Variants in SGSM2 observed in about 807,000 individuals in gnomAD.
SGSM2 encodes the protein RUN and TBC1 domain containing 1.
Under a neutral mutation model 126.6 loss-of-function variants are expected in SGSM2, and 89 were observed. The observed-to-expected ratio is 0.70, with a 90% confidence interval of 0.59 to 0.84. The LOEUF (loss-of-function observed/expected upper bound fraction) is 0.84, where lower values mean the gene tolerates loss of function less well. SGSM2 is among the 40% of genes least tolerant of loss of function. The probability of loss-of-function intolerance (pLI) is 0.00; values close to 1 mark genes in which losing one functional copy is unlikely to be tolerated. For missense variants in SGSM2, 1,404 were observed against 1,416.6 expected (o/e 0.99, Z 0.14); for synonymous variants, 614 against 574.3 (o/e 1.07, Z -0.99).
chr17:2,373,296 G>T, intron 16 of SGSM2, 35 bp from the exon 17 acceptor site: 1 of 1,594,364 alleles, frequency 6.3e-7, no homozygotes. Flanking sequence ...CCTGGTGCAC[G>T]CTTCCCCCAT....
intron 21 of SGSM2, chr17:2,377,498 A>AAAAAAAAGAAAAAAAAAAAAAAC: frequency 5.3e-6 from 1 of 187,744 alleles, no homozygotes; most frequent in South Asian, 1.1e-4. Flanking sequence ...AAAAAAAAAA[A>AAAAAAAAGAAAAAAAAAAAAAAC]AACCATGGTT....
Position 2,362,647 on chromosome 17 carries a change from C to T in SGSM2, c.459-191C>T, listed in dbSNP as rs2065370605. 6.6e-6 allele frequency among the ~76,000 whole-genome samples: 1 copy of T among 152,246 alleles called. No individual in the cohort carries two copies. The highest frequency in any genetic ancestry group is 1.5e-5 in the Non-Finnish European group (1 of 68,048). On this transcript the variant is annotated intron_variant, in intron 4 of 23. Coordinates refer to ENST00000268989, the MANE Select transcript of SGSM2 (RefSeq NM_014853.3). This position sits in a 1 kb window ranked among gnomAD's most constrained non-coding sequence, Gnocchi z 4.9. ...ACAGCCTGTAGGCAACCCTCCATCT[C>T]CCCGTCCCCTTCGGTGCCCTCAAGG...
At chr17:2,347,652 T>G (rs2064661417) in intron 2 of SGSM2, among the ~76,000 whole-genome samples, 2 of 151,772 alleles carry the variant, frequency 1.3e-5, no homozygotes, top group South Asian at 4.2e-4. Context: ...TTCTTTTTTT[T>G]TTTTTCCAGA....
In SGSM2 at chr17:2,380,648, T is replaced by G; in HGVS notation, c.*1128T>G. On this transcript the variant is annotated 3_prime_UTR_variant, in exon 24 of 24. Transcript: ENST00000268989. Reference sequence around the variant, plus strand: ...TGCCCCCAGGCCTAGGCATGCTGCTTGCTCGGCCATCCCCACTTCCTCCTC... The same window carrying G: ...TGCCCCCAGGCCTAGGCATGCTGCTGGCTCGGCCATCCCCACTTCCTCCTC... The G allele has an allele frequency of 2.7e-6, 1 of 374,234 alleles. No homozygotes were observed. The highest frequency in any genetic ancestry group is 2.7e-5 in the South Asian group (1 of 36,718). The allele number at this position is 374,234 out of a possible 1,614,324, so 23.2% of individuals were successfully genotyped here.
rs769201393 is a variant in SGSM2 at position 2,379,142 on chromosome 17, C to T, written c.3006C>T (p.Ala1002=). 1.7e-5 allele frequency: 28 copies of T among 1,614,076 alleles called. No individual in the cohort carries two copies. The Admixed American group carries it at 2.0e-4, about 12-fold the overall frequency. ...VLFIALALVE[A]YREIIRDNNM... ...TCATCGCCCTCGCCCTGGTGGAGGCCTACCGAGAGATCATCCGTGACAACA... is the reference window on the plus strand; with the variant it reads ...TCATCGCCCTCGCCCTGGTGGAGGCTTACCGAGAGATCATCCGTGACAACA... The change falls in exon 23 of 24, where the codon GCC becomes GCT. Residue 1002 remains alanine, a synonymous_variant. Coordinates refer to ENST00000268989, the MANE Select transcript of SGSM2 (RefSeq NM_014853.3).
intron 1 of SGSM2, among the ~76,000 whole-genome samples, chr17:2,342,368 G>A (rs1050641403): frequency 6.6e-6 from 1 of 152,012 alleles, no homozygotes; most frequent in African/African-American, 2.4e-5. Context: ...AGGTTGCAGT[G>A]AGCTGAGAAC....
intron 2 of SGSM2, among the ~76,000 whole-genome samples, chr17:2,354,151 C>T (rs996407080): frequency 5.9e-5 from 9 of 152,160 alleles, no homozygotes; most frequent in Non-Finnish European, 1.3e-4. Context: ...AAGTGATCTT[C>T]CCACCTTGGC....
chr17:2,350,511 G>A (rs747299275), intron 2 of SGSM2, among the ~76,000 whole-genome samples: 16 of 152,008 alleles, frequency 1.1e-4, no homozygotes, highest in Non-Finnish European at 1.8e-4. Context: ...TGGGGAGGCT[G>A]AGGCAGGAGA....
chr17:2,353,920 G>GT (rs571283803), intron 2 of SGSM2, among the ~76,000 whole-genome samples: 2 of 152,076 alleles, frequency 1.3e-5, no homozygotes, highest in Non-Finnish European at 2.9e-5. Context: ...TTGTTTGGTT[G>GT]TTTTTTGAGA....
chr17:2,373,191 G>C, intron 16 of SGSM2, 110 bp downstream of exon 16: 1 of 1,551,746 alleles, frequency 6.4e-7, no homozygotes, highest in Non-Finnish European at 8.7e-7. Context: ...AAGAAGCATG[G>C]CAGGGCAGCT....
intron 2 of SGSM2, among the ~76,000 whole-genome samples, chr17:2,359,016 T>A (rs1313452141): frequency 6.6e-6 from 1 of 151,988 alleles, no homozygotes; most frequent in Non-Finnish European, 1.5e-5. Context: ...TAGCTGGGAC[T>A]TCAGGTGCCC....
chr17:2,367,034 C>T lies in SGSM2; in HGVS notation c.1289-237C>T, dbSNP rs555827601. On this transcript the variant is annotated intron_variant, in intron 11 of 23. Coordinates refer to ENST00000268989, the MANE Select transcript of SGSM2 (RefSeq NM_014853.3). This position sits in a 1 kb window ranked among gnomAD's most constrained non-coding sequence, Gnocchi z 4.0. ...CCTCTGTTCTCTCTCTTCTGTTCTT[C>T]CTAGAGAGGCTGCCTCCGAAGAGTG... The T allele has an allele frequency of 2.4e-4, 127 of 520,238 alleles. No homozygotes were observed. Among genetic ancestry groups the T allele is most frequent in the African/African-American group, 2.4e-3 (124 of 52,680 alleles). 32.2% of individuals were successfully genotyped at this position (520,238 alleles called of 1,614,324 possible).
Position 2,343,602 on chromosome 17 carries a change from C to G in SGSM2, c.115C>G (p.His39Asp). 1.9e-6 allele frequency: 3 copies of G among 1,614,090 alleles called. No homozygotes were observed. Among genetic ancestry groups the G allele is most frequent in the Non-Finnish European group, 2.5e-6 (3 of 1,179,992 alleles). Residue 39 changes from histidine (H) to aspartate (D), a missense_variant, in exon 2 of 24, where the codon CAC becomes GAC. His to Asp is a moderately conservative substitution (Grantham distance 81, BLOSUM62 -1). Transcript: ENST00000268989. ...TRKFVHEDSS[H>D]IIALCGAVEA... is the part of the protein sequence containing the mutation. ...GAAGTTTGTGCATGAAGACAGCAGC[C>G]ACATCATTGCTTTATGTGGTGAGTG...
chr17:2,365,844 C>T (rs982653863), intron 11 of SGSM2, among the ~76,000 whole-genome samples: 21 of 150,452 alleles, frequency 1.4e-4, no homozygotes, highest in Non-Finnish European at 2.7e-4. Context: ...CCCCTGGGTT[C>T]AAGCGATCCT....
intron 2 of SGSM2, among the ~76,000 whole-genome samples, chr17:2,344,007 T>G (rs1357122971): frequency 6.6e-6 from 1 of 152,084 alleles, no homozygotes; most frequent in African/African-American, 2.4e-5. Flanking sequence ...CTCTGACTGA[T>G]TTTGATTTTG....
chr17:2,347,070 C>CAG (rs767722098), intron 2 of SGSM2, among the ~76,000 whole-genome samples: 75 of 150,974 alleles, frequency 5.0e-4, no homozygotes, highest in African/African-American at 1.2e-3. Flanking sequence ...GCTTGGGCAA[C>CAG]AGAGAGAGAG....
rs1567790368 is a variant in SGSM2, at chr17:2,337,674, G to GCCT, written c.-11_-9dup. On this transcript the variant is annotated 5_prime_UTR_variant, in exon 1 of 24. Coordinates refer to ENST00000268989, the MANE Select transcript of SGSM2 (RefSeq NM_014853.3). The surrounding 1 kb of genome is among the most constrained non-coding windows in gnomAD (Gnocchi z 5.1). ...GGGGCTCTGAGGACCGCTCGGCGCC[G>GCCT]CCTCCTGCCACACCATGGGCAGCGC... 6 of 1,467,846 alleles carry GCCT rather than the reference G, an allele frequency of 4.1e-6. No individual in the cohort carries two copies. Among genetic ancestry groups the GCCT allele is most frequent in the Non-Finnish European group, 5.5e-6 (6 of 1,099,794 alleles). The allele number at this position is 1,467,846 out of a possible 1,614,324, so 90.9% of individuals were successfully genotyped here. A position where few individuals can be genotyped will look rare whatever the true frequency, so the allele number is the denominator to read the frequency against.
At chr17:2,376,285 G>A in intron 19 of SGSM2, 24 bp downstream of exon 19, 1 of 1,606,992 alleles carries the variant, frequency 6.2e-7, no homozygotes, top group South Asian at 1.1e-5. Context: ...CGGGGCTCAG[G>A]GTGGGAGGCG....
Position 2,367,080 on chromosome 17 carries a change from C to A in SGSM2, c.1289-191C>A. On this transcript the variant is annotated intron_variant, in intron 11 of 23. Coordinates refer to ENST00000268989, the MANE Select transcript of SGSM2 (RefSeq NM_014853.3). This position sits in a 1 kb window ranked among gnomAD's most constrained non-coding sequence, Gnocchi z 4.0. ...GAGTGAGGTTCTGCAGCTGCCCCAG[C>A]CCCTCGCCTCCTTCCACACTCTCCC... is the stretch of plus-strand genomic sequence containing the variant. The A allele has an allele frequency of 1.6e-6, 1 of 609,882 alleles. No individual in the cohort carries two copies. The highest frequency in any genetic ancestry group is 2.8e-6 in the Non-Finnish European group (1 of 356,992). The allele number at this position is 609,882 out of a possible 1,614,324, so 37.8% of individuals were successfully genotyped here.
Sources: allele counts gnomAD v4.1 joint callset (sites outside exome capture counted in the v4.1 genomes callset), GRCh38; gene constraint gnomAD v4.1.1; non-coding constraint Gnocchi (gnomAD v3.1); transcripts MANE v1.5; gene names NCBI Gene and HGNC (gene_info 2026-07-23, HGNC 2026-07-21).